SLC22A14: variants seen among roughly 807,000 people sequenced by gnomAD.
SLC22A14 encodes solute carrier family 22 member 14.
Under a neutral mutation model 53.9 loss-of-function variants are expected in SLC22A14, and 50 were observed. The observed-to-expected ratio is 0.93, with a 90% CI of 0.74 to 1.17. The LOEUF is 1.17. Ranked by LOEUF, SLC22A14 falls within the 50% of genes most tolerant of loss-of-function variation. The pLI is 0.00. For synonymous variants in SLC22A14, 312 were observed against 303.0 expected (o/e 1.03, Z -0.31); for missense variants, 671 against 734.7 (o/e 0.91, Z 1.00).
chr3:38,281,570 C>T (rs1703669211), upstream of SLC22A14, among the ~76,000 whole-genome samples: 1 of 152,184 alleles, frequency 6.6e-6, no homozygotes, highest in Admixed American at 6.5e-5. Context: ...GTCCCATTCT[C>T]ATAACTCATT....
At position 38,307,834 on chromosome 3, in the gene SLC22A14, G is replaced by A. The variant is rs995017216; in HGVS notation, c.775+114G>A. Reference sequence around the variant, plus strand: ...GTGGCGGCATAGGCAGATGGCAAGGGGGCGTGGTGTAGCTGTAAGAGGGCA... The same window carrying A: ...GTGGCGGCATAGGCAGATGGCAAGGAGGCGTGGTGTAGCTGTAAGAGGGCA... On this transcript the variant is annotated intron_variant, in intron 4 of 10. Coordinates refer to ENST00000448498, the MANE Select transcript of SLC22A14 (RefSeq NM_001320033.2). This position sits in a 1 kb window ranked among gnomAD's most constrained non-coding sequence, Gnocchi z 4.4. The A allele has an allele frequency of 6.9e-5, 81 of 1,182,272 alleles. No individual in the cohort carries two copies. The highest frequency in any genetic ancestry group is 2.0e-4 in the Admixed American group (11 of 54,252). The allele number at this position is 1,182,272 out of a possible 1,614,324, so 73.2% of individuals were successfully genotyped here. A position where few individuals can be genotyped will look rare whatever the true frequency, so the allele number is the denominator to read the frequency against.
upstream of SLC22A14, among the ~76,000 whole-genome samples, chr3:38,279,635 ATT>A (rs34353478): frequency 1.3e-4 from 19 of 144,896 alleles, no homozygotes; most frequent in African/African-American, 4.3e-4. Context: ...GGGGAGAAAG[ATT>A]TTTTTTTTTT....
intron 8 of SLC22A14, 135 bp downstream of exon 8, chr3:38,314,076 C>T: frequency 1.5e-6 from 1 of 670,988 alleles, no homozygotes; most frequent in Non-Finnish European, 2.6e-6. Flanking sequence ...CCACCCACCC[C>T]ACAGAGGCCC....
chr3:38,311,622 T>G (rs1038031069), intron 5 of SLC22A14, among the ~76,000 whole-genome samples: 2 of 146,540 alleles, frequency 1.4e-5, no homozygotes, highest in South Asian at 4.2e-4. Flanking sequence ...TAGGGACTTC[T>G]TCTGCCAAAT....
At chr3:38,309,460 T>C (rs1213864098) in intron 5 of SLC22A14, among the ~76,000 whole-genome samples, 1 of 152,152 alleles carries the variant, frequency 6.6e-6, no homozygotes, top group Non-Finnish European at 1.5e-5. Flanking sequence ...CTTGGTGACC[T>C]TCTTGAGGTG....
intron 2 of SLC22A14, 127 bp downstream of exon 2, chr3:38,306,669 G>T: frequency 1.1e-6 from 1 of 910,380 alleles, no homozygotes. Context: ...TCAACCTGCA[G>T]AGGCAGGGTC....
In SLC22A14 at chr3:38,307,327, G is replaced by C. The variant is rs779345629; in HGVS notation, c.590G>C (p.Gly197Ala). ...ATGTTCATGGCAGGGCTCCCGATAG[G>C]CTCTCTCATCTTCAGGCTCATAACT... ...QIMFMAGLPI[G>A]SLIFRLITDK... Residue 197 changes from glycine (G) to alanine (A), a missense_variant, in exon 3 of 11, where the codon GGC (glycine) becomes GCC (alanine). Transcript: ENST00000448498. This position sits in a 1 kb window ranked among gnomAD's most constrained non-coding sequence, Gnocchi z 4.4. 8.7e-6 allele frequency: 14 copies of C among 1,613,936 alleles called. No individual in the cohort carries two copies. Among genetic ancestry groups the C allele is most frequent in the Non-Finnish European group, 1.2e-5 (14 of 1,179,782 alleles).
intron 10 of SLC22A14, among the ~76,000 whole-genome samples, chr3:38,317,515 A>T (rs866380329): frequency 6.6e-6 from 1 of 152,330 alleles, no homozygotes; most frequent in Middle Eastern, 3.4e-3. Flanking sequence ...AGGGCTTTGA[A>T]GGATGGATAG....
chr3:38,309,536 C>T (rs1343768350), intron 5 of SLC22A14, among the ~76,000 whole-genome samples: 1 of 152,084 alleles, frequency 6.6e-6, no homozygotes, highest in Admixed American at 6.6e-5. Context: ...CAGGAGATGA[C>T]TTTCTTAGAA....
At chr3:38,312,958 C>A in intron 5 of SLC22A14, 41 bp from the exon 6 acceptor site, 5 of 1,564,634 alleles carry the variant, frequency 3.2e-6, no homozygotes, top group Non-Finnish European at 4.3e-6. Flanking sequence ...GGTCTCTGGG[C>A]ATCATAGAAC....
At chr3:38,300,371 C>T (rs1243114481) in intron 1 of SLC22A14, among the ~76,000 whole-genome samples, 3 of 151,956 alleles carry the variant, frequency 2.0e-5, no homozygotes, top group Non-Finnish European at 4.4e-5. Flanking sequence ...ACCTGGGAGG[C>T]GGAAGTTGAA....
chr3:38,281,182 A>G (rs1331700751), upstream of SLC22A14, among the ~76,000 whole-genome samples: 1 of 152,222 alleles, frequency 6.6e-6, no homozygotes, highest in Non-Finnish European at 1.5e-5. Flanking sequence ...CCAGATACCA[A>G]TAAGATTGCA....
Position 38,318,332 on chromosome 3 carries a change from T to C in SLC22A14, c.*83T>C. 1 of 1,330,368 alleles carries C rather than the reference T, an allele frequency of 7.5e-7. No individual in the cohort carries two copies. The highest frequency in any genetic ancestry group is 1.1e-6 in the Non-Finnish European group (1 of 922,394). The allele number at this position is 1,330,368 out of a possible 1,614,324, so 82.4% of individuals were successfully genotyped here. ...TGTCTCCAACCCTGCCTTGAAGCAATTCAATAAAGAGGAAGCAAACAGCCA... is the reference window on the plus strand; with the variant it reads ...TGTCTCCAACCCTGCCTTGAAGCAACTCAATAAAGAGGAAGCAAACAGCCA... On this transcript the variant is annotated 3_prime_UTR_variant, in exon 11 of 11. Coordinates refer to ENST00000448498, the MANE Select transcript of SLC22A14 (RefSeq NM_001320033.2).
At chr3:38,282,143 T>C (rs1575395658), upstream of SLC22A14, among the ~76,000 whole-genome samples, 1 of 151,270 alleles carries the variant, frequency 6.6e-6, no homozygotes, top group African/African-American at 2.4e-5. Context: ...GGCAGGGGGG[T>C]TCGTGTGGCA....
upstream of SLC22A14, among the ~76,000 whole-genome samples, chr3:38,282,097 C>T (rs970454553): frequency 6.6e-6 from 1 of 152,204 alleles, no homozygotes. Flanking sequence ...GGAGGTGGAG[C>T]CCTCGTGTGG....
chr3:38,282,562 C>A (rs1318870650), intron 1 of SLC22A14, among the ~76,000 whole-genome samples: 2 of 152,200 alleles, frequency 1.3e-5, no homozygotes, highest in African/African-American at 4.8e-5. Flanking sequence ...TGGCCATCTC[C>A]TGCGGCAGGT....
intron 1 of SLC22A14, among the ~76,000 whole-genome samples, chr3:38,289,642 C>G (rs539087207): frequency 2.2e-4 from 33 of 152,322 alleles, no homozygotes; most frequent in Admixed American, 7.8e-4. Context: ...TTAGGATGAA[C>G]CCAGGCACTT....
chr3:38,280,776 T>A (rs1056194439), upstream of SLC22A14, among the ~76,000 whole-genome samples: 1 of 152,338 alleles, frequency 6.6e-6, no homozygotes, highest in Middle Eastern at 3.4e-3. Context: ...ATTACAGGTG[T>A]GCGCCACTGC....
upstream of SLC22A14, among the ~76,000 whole-genome samples, chr3:38,281,764 T>C (rs1001428956): frequency 3.9e-5 from 6 of 152,230 alleles, no homozygotes; most frequent in Non-Finnish European, 8.8e-5. Context: ...CCTAAGTACA[T>C]GCTGTACTGG....
Sources: allele counts gnomAD v4.1 joint callset (sites outside exome capture counted in the v4.1 genomes callset), GRCh38; gene constraint gnomAD v4.1.1; non-coding constraint Gnocchi (gnomAD v3.1); transcripts MANE v1.5; gene names NCBI Gene and HGNC (gene_info 2026-07-23, HGNC 2026-07-21).